The following ERC1 variants were observed in gnomAD, a reference collection of about 807,000 sequenced individuals.
The protein encoded by ERC1 is RAB6 interacting protein 2.
ERC1 carries 56 observed loss-of-function variants against 132.0 expected under a neutral mutation model. The observed-to-expected ratio is 0.42, with a 90% CI of 0.34 to 0.53. The LOEUF is 0.53. Among genes scored for constraint, ERC1 ranks in the 20% least tolerant of loss-of-function variants. The pLI is 0.03. For synonymous variants in ERC1, 478 were observed against 476.1 expected, an observed-to-expected ratio of 1.00 and a Z score of -0.05; for missense variants, 1,202 against 1,349.9, an observed-to-expected ratio of 0.89 and a Z score of 1.72.
chr12:1,303,647 A>T (rs1477729323), intron 15 of ERC1, among the ~76,000 whole-genome samples: 1 of 150,420 alleles, frequency 6.6e-6, no homozygotes, highest in Non-Finnish European at 1.5e-5. Flanking sequence ...TCAAAAAAAA[A>T]AATAAATAAA....
rs143758483 is a variant in ERC1 at position 1,058,030 on chromosome 12, TTTTG to T, written c.670-25126_670-25123del. ...TTTTTGTTTTGTTTTGTTTTTGTTT[TTTTG>T]TTTGTTTTTGCTGTTGAGTTGTTTG... is the stretch of plus-strand genomic sequence containing the variant. On this transcript the variant is annotated intron_variant, in intron 2 of 18. Transcript: ENST00000360905. Among the ~76,000 whole-genome samples the T allele has an allele frequency of 1.5e-4, 23 of 152,270 alleles. 1 individual carries two copies. The East Asian group carries it at 3.1e-3, about 20-fold the overall frequency.
chr12:1,365,630 G>T (rs2154372316), intron 15 of ERC1, among the ~76,000 whole-genome samples: 1 of 152,312 alleles, frequency 6.6e-6, no homozygotes, highest in East Asian at 1.9e-4. Flanking sequence ...TGAGTATAGA[G>T]TATATAGAGT....
At chr12:1,307,818 A>G (rs533178412) in intron 15 of ERC1, among the ~76,000 whole-genome samples, 3 of 152,180 alleles carry the variant, frequency 2.0e-5, no homozygotes, top group Non-Finnish European at 2.9e-5. Flanking sequence ...GAGGCTTTCA[A>G]CCTAAAAAGT....
chr12:1,344,841 G>C (rs1285835210), intron 15 of ERC1, among the ~76,000 whole-genome samples: 2 of 152,184 alleles, frequency 1.3e-5, no homozygotes, highest in African/African-American at 4.8e-5. Context: ...TCAGGAAGCT[G>C]CTTGTCTAGG....
intron 8 of ERC1, among the ~76,000 whole-genome samples, chr12:1,177,213 A>G (rs768689460): frequency 2.0e-5 from 3 of 152,106 alleles, no homozygotes; most frequent in Admixed American, 6.5e-5. Flanking sequence ...TTTCCATATC[A>G]GCAATAAGGT....
chr12:1,459,045 A>G (rs2093595798), intron 18 of ERC1, among the ~76,000 whole-genome samples: 1 of 152,266 alleles, frequency 6.6e-6, no homozygotes, highest in Non-Finnish European at 1.5e-5. Context: ...TATCAAAACA[A>G]CATGGGGAAA....
intron 2 of ERC1, among the ~76,000 whole-genome samples, chr12:1,071,548 GTT>G (rs11340829): frequency 6.8e-6 from 1 of 147,350 alleles, no homozygotes; most frequent in African/African-American, 2.5e-5. Context: ...CTTTTAAAAA[GTT>G]TTTTTTTTTT....
In ERC1 at chr12:1,361,312, G is replaced by A. The variant is rs1019136960; in HGVS notation, c.2781-10521G>A. 2.7e-4 allele frequency among the ~76,000 whole-genome samples: 41 copies of A among 151,572 alleles called. 1 individual carries two copies. Among genetic ancestry groups the A allele is most frequent in the African/African-American group, 9.9e-4 (41 of 41,278 alleles). ...TTAGGAGATATACCTAATGCTAAAT[G>A]ATGAGTTAATGGGTGCAGCACACCA... On this transcript the variant is annotated intron_variant, in intron 15 of 18. Coordinates refer to ENST00000360905, the MANE Select transcript of ERC1 (RefSeq NM_178040.4).
At chr12:1,342,898 G>A (rs958540732) in intron 15 of ERC1, among the ~76,000 whole-genome samples, 5 of 152,124 alleles carry the variant, frequency 3.3e-5, no homozygotes, top group African/African-American at 7.2e-5. Context: ...CAGGAAGATC[G>A]TGCTGACCCT....
intron 18 of ERC1, among the ~76,000 whole-genome samples, chr12:1,485,203 T>TTTTC (rs2154433388): frequency 8.2e-6 from 1 of 122,564 alleles, no homozygotes; most frequent in African/African-American, 4.1e-5. Flanking sequence ...TTATATTTCT[T>TTTTC]TTTTTTTTTT....
chr12:1,071,841 C>T (rs1940422810), intron 2 of ERC1, among the ~76,000 whole-genome samples: 1 of 152,146 alleles, frequency 6.6e-6, no homozygotes, highest in Admixed American at 6.5e-5. Flanking sequence ...TGGCTCACAC[C>T]TTTAATCCCA....
At chr12:1,070,125 T>G (rs1940055058) in intron 2 of ERC1, among the ~76,000 whole-genome samples, 1 of 152,132 alleles carries the variant, frequency 6.6e-6, no homozygotes, top group East Asian at 1.9e-4. Context: ...TGTTGTATGT[T>G]TGAATGTGTC....
chr12:1,189,135 A>T (rs551983833), intron 11 of ERC1, among the ~76,000 whole-genome samples: 115 of 152,308 alleles, frequency 7.6e-4, no homozygotes, highest in Non-Finnish European at 1.4e-3. Flanking sequence ...CTGGTCTTCA[A>T]CTTATGGCTG....
intron 8 of ERC1, among the ~76,000 whole-genome samples, chr12:1,143,614 T>C (rs1950066010): frequency 6.6e-6 from 1 of 151,776 alleles, no homozygotes. Context: ...TATTTTTCCA[T>C]TTGAAATTTA....
chr12:1,440,425 C>A (rs539749048), intron 17 of ERC1, among the ~76,000 whole-genome samples: 1 of 150,608 alleles, frequency 6.6e-6, no homozygotes, highest in East Asian at 2.0e-4. Flanking sequence ...CCAGGATGGT[C>A]TCGATCTCCT....
intron 8 of ERC1, among the ~76,000 whole-genome samples, chr12:1,159,715 T>C (rs1951716938): frequency 1.3e-5 from 2 of 152,196 alleles, no homozygotes; most frequent in Admixed American, 1.3e-4. Context: ...CTTTTATGTG[T>C]CTAAACTGAT....
chr12:1,105,716 G>A (rs1278894558), intron 4 of ERC1, among the ~76,000 whole-genome samples: 1 of 152,136 alleles, frequency 6.6e-6, no homozygotes, highest in Admixed American at 6.5e-5. Context: ...AAATGAAGTA[G>A]TCTTTTAAAA....
intron 15 of ERC1, among the ~76,000 whole-genome samples, chr12:1,337,663 T>G (rs1046184087): frequency 1.3e-5 from 2 of 152,246 alleles, no homozygotes. Context: ...AATGCGTTTT[T>G]GAAGTGGCTG....
At chr12:1,434,161 C>G (rs2092884614) in intron 17 of ERC1, among the ~76,000 whole-genome samples, 1 of 152,014 alleles carries the variant, frequency 6.6e-6, no homozygotes, top group South Asian at 2.1e-4. Context: ...TTCTTATTTT[C>G]TAAACACCCG....
Sources: allele counts gnomAD v4.1 joint callset (sites outside exome capture counted in the v4.1 genomes callset), GRCh38; gene constraint gnomAD v4.1.1; transcripts MANE v1.5; gene names NCBI Gene and HGNC (gene_info 2026-07-23, HGNC 2026-07-21).